DOCK11: variants seen among roughly 807,000 people sequenced by gnomAD.
The protein encoded by DOCK11 is dedicator of cytokinesis protein 11.
DOCK11 carries 70 observed loss-of-function variants against 169.1 expected under a neutral mutation model. The observed-to-expected ratio is 0.41, with a 90% CI of 0.34 to 0.51. The LOEUF (loss-of-function observed/expected upper bound fraction) is 0.51. DOCK11 is among the 20% of genes least tolerant of loss of function. The probability of loss-of-function intolerance (pLI) is 0.10; values close to 1 mark genes in which losing one functional copy is unlikely to be tolerated. For synonymous variants in DOCK11, 529 were observed against 541.3 expected (o/e 0.98, Z 0.32); for missense variants, 1,166 against 1,538.8 (o/e 0.76, Z 4.05).
chrX:118,661,712 G>A (rs1481279278), intron 44 of DOCK11, among the ~76,000 whole-genome samples: 1 of 111,830 alleles, frequency 8.9e-6, no homozygotes, highest in Non-Finnish European at 1.9e-5. Context: ...AGCCCACTTA[G>A]ATAAAGGTAA....
At chrX:118,656,227 C>G (rs2016064107) in intron 44 of DOCK11, among the ~76,000 whole-genome samples, 1 of 109,468 alleles carries the variant, frequency 9.1e-6, no homozygotes, top group Non-Finnish European at 1.9e-5. Context: ...GGACACTGCA[C>G]TTCAACCTGG....
At chrX:118,614,908 G>T in intron 29 of DOCK11, 133 bp downstream of exon 29, 2 of 493,288 alleles carry the variant, frequency 4.1e-6, no homozygotes, top group Non-Finnish European at 6.8e-6. Context: ...ATACGTAAAA[G>T]CAAGGAATAC....
chrX:118,604,521 CTTTTTTTTTTTTTT>C (rs74504860), intron 23 of DOCK11, among the ~76,000 whole-genome samples: 1 of 38,183 alleles, frequency 2.6e-5, no homozygotes, highest in Non-Finnish European at 4.2e-5. Flanking sequence ...GGTTTGTTTC[CTTTTTTTTTTTTTT>C]TTTTTTTTTT....
At chrX:118,642,649 A>G (rs1486815217) in intron 39 of DOCK11, among the ~76,000 whole-genome samples, 1 of 111,544 alleles carries the variant, frequency 9.0e-6, no homozygotes, top group African/African-American at 3.3e-5. Flanking sequence ...ATAAGAGACC[A>G]TGATTCTAGC....
rs188090836 is a variant in DOCK11, at chrX:118,511,350, A to G, written c.102+15277A>G. Reference sequence around the variant, plus strand: ...GGAAAACAGTTTCAATTCTCCTTATAAACCATCTCAGGGTAAATATTCAGA... The same window carrying G: ...GGAAAACAGTTTCAATTCTCCTTATGAACCATCTCAGGGTAAATATTCAGA... On this transcript the variant is annotated intron_variant, in intron 1 of 52. Transcript: ENST00000276202. Among the ~76,000 whole-genome samples, 232 of 111,884 alleles carry G rather than the reference A, an allele frequency of 2.1e-3. 1 individual carries two copies. The highest frequency in any genetic ancestry group is 7.3e-3 in the African/African-American group (225 of 30,824).
At chrX:118,557,763 C>CAAAAAAA (rs773728594) in intron 6 of DOCK11, among the ~76,000 whole-genome samples, 1 of 24,332 alleles carries the variant, frequency 4.1e-5, no homozygotes, top group African/African-American at 1.9e-4. Context: ...GACTCTGTCT[C>CAAAAAAA]AAAAAAAAAA....
At position 118,595,375 on chromosome X, in the gene DOCK11, CTG is replaced by C. The variant is rs753306121; in HGVS notation, c.2263+2041_2263+2042del. The stretch of plus-strand genomic sequence containing the variant: ...AAAGAAGGTATTGCCAATAGCAAAA[CTG>C]TGGGTAGGGATGGCAGGTTTGGGAC... On this transcript the variant is annotated intron_variant, in intron 20 of 52. Transcript: ENST00000276202. Among the ~76,000 whole-genome samples, 660 of 111,877 alleles carry C rather than the reference CTG, an allele frequency of 5.9e-3. 6 individuals carry two copies. Among genetic ancestry groups the C allele is most frequent in the African/African-American group, 0.021 (635 of 30,770 alleles).
chrX:118,509,158 A>G (rs1410799582), intron 1 of DOCK11, among the ~76,000 whole-genome samples: 2 of 111,783 alleles, frequency 1.8e-5, no homozygotes, highest in African/African-American at 6.5e-5. Flanking sequence ...CAGTTCCTCT[A>G]GGAGTAAGTT....
chrX:118,656,383 T>C (rs894066674), intron 44 of DOCK11, among the ~76,000 whole-genome samples: 1 of 112,115 alleles, frequency 8.9e-6, no homozygotes, highest in Non-Finnish European at 1.9e-5. Context: ...TCTGTCTGAC[T>C]CTGGAATTCT....
At chrX:118,668,557 A>G (rs2016390859) in intron 45 of DOCK11, among the ~76,000 whole-genome samples, 1 of 111,670 alleles carries the variant, frequency 9.0e-6, no homozygotes, top group Non-Finnish European at 1.9e-5. Context: ...TTCAAGTAGC[A>G]ACATTTATTT....
Position 118,647,822 on chromosome X carries a change from TTATAA to T in DOCK11, c.4399-1114_4399-1110del, listed in dbSNP as rs1450155588. Among the ~76,000 whole-genome samples, 185 of 53,021 alleles carry T rather than the reference TTATAA, an allele frequency of 3.5e-3. 3 individuals are homozygous for T. The highest frequency in any genetic ancestry group is 5.1e-3 in the Non-Finnish European group (169 of 33,310). 46.0% of individuals were successfully genotyped at this position (53,021 alleles called of 115,157 possible). On this transcript the variant is annotated intron_variant, in intron 40 of 52. Coordinates refer to ENST00000276202, the MANE Select transcript of DOCK11 (RefSeq NM_144658.4). ...ATATATAATAATATATATTATATTATTATAATATAATATTTAATATATATTATAAT... is the reference window on the plus strand; with the variant it reads ...ATATATAATAATATATATTATATTATTATAATATTTAATATATATTATAAT...
intron 23 of DOCK11, among the ~76,000 whole-genome samples, chrX:118,600,371 T>C (rs1205265318): frequency 3.8e-5 from 4 of 104,155 alleles, no homozygotes; most frequent in Non-Finnish European, 7.8e-5. Flanking sequence ...TGTGCCAGCC[T>C]GGGTGACAGC....
At chrX:118,632,852 AG>A (rs2147499211) in intron 35 of DOCK11, 1 of 108,334 alleles carries the variant, frequency 9.2e-6, no homozygotes, top group Non-Finnish European at 1.9e-5. Context: ...TTATATCGTG[AG>A]AAAAGGAATA....
At position 118,676,746 on chromosome X, in the gene DOCK11, T is replaced by A; in HGVS notation, c.5460+9T>A. 8.4e-7 allele frequency: 1 copy of A among 1,187,135 alleles called. No individual in the cohort carries two copies. Among genetic ancestry groups the A allele is most frequent in the African/African-American group, 1.7e-5 (1 of 57,406 alleles). Reference sequence around the variant, plus strand: ...TTCAGGATTCAGACAAGGTAACACATACCCTACATGTTGAAATCATTATTT... The same window carrying A: ...TTCAGGATTCAGACAAGGTAACACAAACCCTACATGTTGAAATCATTATTT... On this transcript the variant is annotated intron_variant, in intron 48 of 52. Transcript: ENST00000276202.
In DOCK11 at chrX:118,598,252, G is replaced by C. The variant is rs778895638; in HGVS notation, c.2472+136G>C. The C allele has an allele frequency of 9.6e-6, 4 of 415,753 alleles. No homozygotes were observed. In the South Asian group the frequency reaches 2.4e-4, roughly 25 times the overall value. 34.3% of individuals were successfully genotyped at this position (415,753 alleles called of 1,213,427 possible). ...CTCATTAGTAATAACATCTGTCCAG[G>C]TGCAGTGGCTCATGCCTGTAATCTC... On this transcript the variant is annotated intron_variant, in intron 22 of 52. Coordinates refer to ENST00000276202, the MANE Select transcript of DOCK11 (RefSeq NM_144658.4).
chrX:118,590,176 T>G (rs149608659), intron 18 of DOCK11, 34 bp from the exon 19 acceptor site: 2 of 1,127,703 alleles, frequency 1.8e-6, no homozygotes, highest in African/African-American at 3.6e-5. Context: ...CAGACCTGCA[T>G]TTAGAGCGGT....
intron 47 of DOCK11, 140 bp downstream of exon 47, chrX:118,676,189 A>C (rs2016605570): frequency 2.4e-6 from 1 of 418,380 alleles, no homozygotes; most frequent in South Asian, 4.6e-5. Context: ...TATAAAGTTC[A>C]CTTTGGTTCT....
At chrX:118,631,357 AAAAT>A (rs1487498695) in intron 35 of DOCK11, among the ~76,000 whole-genome samples, 7 of 98,465 alleles carry the variant, frequency 7.1e-5, no homozygotes, top group African/African-American at 2.6e-4. Context: ...TAGAAACATT[AAAAT>A]AAATAGCTAG....
chrX:118,679,390 G>C (rs1019517076), intron 48 of DOCK11, among the ~76,000 whole-genome samples: 1 of 111,778 alleles, frequency 8.9e-6, no homozygotes, highest in Non-Finnish European at 1.9e-5. Flanking sequence ...ATGAGAGAAT[G>C]GTCCAATAAG....
Sources: gnomAD v4.1 joint callset for allele counts (sites outside exome capture counted in the v4.1 genomes callset) on GRCh38, gnomAD v4.1.1 for gene constraint, MANE v1.5 for transcripts, NCBI Gene and HGNC (gene_info 2026-07-23, HGNC 2026-07-21) for gene names.